The following SYNE1 variants were observed in gnomAD, a reference collection of about 807,000 sequenced individuals.
SYNE1 encodes the protein spectrin repeat containing nuclear envelope protein 1.
A neutral mutation model predicts 1,111.0 loss-of-function variants in SYNE1; 616 were observed. That is an observed-to-expected ratio of 0.55 (90% CI 0.52 to 0.59). The LOEUF is 0.59. Ranked by LOEUF, SYNE1 falls within the 20% of genes least tolerant of loss-of-function variation. The pLI is 0.00. For synonymous variants in SYNE1, 3,855 were observed against 3,825.8 expected, an observed-to-expected ratio of 1.01 and a Z score of -0.28; for missense variants, 10,006 against 10,417.0, an observed-to-expected ratio of 0.96 and a Z score of 1.72.
chr6:152,295,000 G>T (rs910188414), intron 93 of SYNE1, among the ~76,000 whole-genome samples: 1 of 152,192 alleles, frequency 6.6e-6, no homozygotes, highest in African/African-American at 2.4e-5. Flanking sequence ...AAATACCTGA[G>T]TCTTATTGAG....
Position 152,284,608 on chromosome 6 carries a change from T to C in SYNE1, c.18013-436A>G, listed in dbSNP as rs532416319. Among the ~76,000 whole-genome samples the C allele has an allele frequency of 1.2e-3, 172 of 142,252 alleles. 1 individual carries two copies. The highest frequency in any genetic ancestry group is 0.011 in the Middle Eastern group (3 of 280). 93.3% of individuals were successfully genotyped at this position (142,252 alleles called of 152,430 possible). On this transcript the variant is annotated intron_variant, in intron 95 of 145. Coordinates refer to ENST00000367255, the MANE Select transcript of SYNE1 (RefSeq NM_182961.4). The stretch of plus-strand genomic sequence containing the variant: ...GACTGGTGTGTGCTACCACACCTGG[T>C]AATTTTTTTTTTTTTTTTTTTTTTT...
chr6:152,310,162 C>T, intron 89 of SYNE1, 145 bp from the exon 90 acceptor site: 1 of 1,219,780 alleles, frequency 8.2e-7, no homozygotes, highest in Non-Finnish European at 1.1e-6. Flanking sequence ...AGTTTAGGGG[C>T]TGGACACAGT....
At chr6:152,378,182 ACT>A (rs1304002506) in intron 56 of SYNE1, among the ~76,000 whole-genome samples, 1 of 152,226 alleles carries the variant, frequency 6.6e-6, no homozygotes, top group Non-Finnish European at 1.5e-5. Context: ...ATATGTAAAC[ACT>A]GTGGATAACA....
intron 3 of SYNE1, among the ~76,000 whole-genome samples, chr6:152,559,029 G>A (rs1441103473): frequency 1.4e-5 from 2 of 140,130 alleles, no homozygotes; most frequent in Admixed American, 1.4e-4. Context: ...TATTTTTAGA[G>A]AGAGGGTCGC....
chr6:152,274,292 AAC>A lies in SYNE1; in HGVS notation c.18573+3795_18573+3796del, dbSNP rs769604288. On this transcript the variant is annotated intron_variant, in intron 98 of 145. Transcript: ENST00000367255. ...ATTTTTTATTTGCATCTATTTACCCAACACAGAGTTCAAACGTCTTTTCATAT... is the reference window on the plus strand; with the variant it reads ...ATTTTTTATTTGCATCTATTTACCCAACAGAGTTCAAACGTCTTTTCATAT... Among the ~76,000 whole-genome samples the A allele has an allele frequency of 1.4e-4, 21 of 152,304 alleles. No homozygotes were observed. The South Asian group carries it at 3.3e-3, about 24-fold the overall frequency.
At chr6:152,276,030 C>CTTTTT (rs749642435) in intron 98 of SYNE1, among the ~76,000 whole-genome samples, 3 of 84,022 alleles carry the variant, frequency 3.6e-5, no homozygotes, top group Non-Finnish European at 4.5e-5. Flanking sequence ...TTCTCGACTT[C>CTTTTT]TTTTTTTTTT....
chr6:152,498,714 C>A, intron 11 of SYNE1, 28 bp downstream of exon 11: 1 of 1,491,660 alleles, frequency 6.7e-7, no homozygotes, highest in African/African-American at 1.4e-5. Flanking sequence ...TGAAAGAGGT[C>A]ATCAATGCAA....
At chr6:152,520,628 A>G in intron 5 of SYNE1, 86 bp from the exon 6 acceptor site, 4 of 1,440,020 alleles carry the variant, frequency 2.8e-6, no homozygotes, top group Non-Finnish European at 2.9e-6. Flanking sequence ...TGGATTAAAA[A>G]TATACTTGAA....
At chr6:152,156,148 A>G in intron 131 of SYNE1, 51 bp from the exon 132 acceptor site, 2 of 1,605,266 alleles carry the variant, frequency 1.2e-6, no homozygotes, top group Non-Finnish European at 1.7e-6. Context: ...TATACAGATG[A>G]GAGAAACTGA....
chr6:152,207,893 T>G, intron 125 of SYNE1, 79 bp downstream of exon 125: 1 of 1,442,774 alleles, frequency 6.9e-7, no homozygotes, highest in Admixed American at 1.7e-5. Context: ...TCTAGAGTCC[T>G]TTTGAAAAAC....
rs2097808908 is a variant in SYNE1, at chr6:152,401,144, T to A, written c.7023A>T (p.Lys2341Asn). 5 of 1,614,006 alleles carry A rather than the reference T, an allele frequency of 3.1e-6. No homozygotes were observed. The African/African-American group carries it at 4.0e-5, about 13-fold the overall frequency. ...ATGATAGTTTATTACCTACCTTGACTTTTTTCAATGCTTCACAAGTCTCAT... is the reference window on the plus strand; with the variant it reads ...ATGATAGTTTATTACCTACCTTGACATTTTTCAATGCTTCACAAGTCTCAT... Reference protein sequence around the residue: ...AQNETCEALKKVKDIQKELQS... With the variant: ...AQNETCEALKNVKDIQKELQS... The change falls in exon 47 of 146, where the codon AAA becomes AAT. Residue 2341 changes from lysine to asparagine, a missense_variant. Lys to Asn is a moderately conservative substitution (Grantham distance 94). Transcript: ENST00000367255.
intron 99 of SYNE1, 38 bp downstream of exon 99, chr6:152,269,117 C>A: frequency 6.2e-7 from 1 of 1,613,982 alleles, no homozygotes; most frequent in South Asian, 1.1e-5. Flanking sequence ...CTTCTCTGGG[C>A]AGATCTGCAA....
At chr6:152,167,881 T>C (rs1199560461) in intron 130 of SYNE1, 5 of 725,146 alleles carry the variant, frequency 6.9e-6, no homozygotes, top group South Asian at 6.8e-5. Context: ...TACAGAGTCA[T>C]AATAAAGTCC....
intron 3 of SYNE1, among the ~76,000 whole-genome samples, chr6:152,617,602 T>C (rs999835694): frequency 2.6e-5 from 4 of 152,224 alleles, no homozygotes; most frequent in African/African-American, 9.6e-5. Flanking sequence ...GAGTACCTAC[T>C]TGTGCTTAGT....
chr6:152,501,554 T>A (rs961970732), intron 10 of SYNE1, among the ~76,000 whole-genome samples: 16 of 152,060 alleles, frequency 1.1e-4, no homozygotes, highest in Non-Finnish European at 1.6e-4. Context: ...GGCCAACATG[T>A]GAAACCCAAT....
At chr6:152,238,843 C>G (rs1232748162) in intron 108 of SYNE1, among the ~76,000 whole-genome samples, 3 of 152,076 alleles carry the variant, frequency 2.0e-5, no homozygotes, top group African/African-American at 7.2e-5. Flanking sequence ...GAGCACTACT[C>G]TGTTCCAAGA....
intron 25 of SYNE1, chr6:152,453,358 TG>T: frequency 1.5e-6 from 1 of 648,040 alleles, no homozygotes; most frequent in Non-Finnish European, 2.6e-6. Context: ...CCAAAAAGAA[TG>T]CTCGAGTAAT....
At position 152,155,092 on chromosome 6, in the gene SYNE1, G is replaced by A. The variant is rs376178480; in HGVS notation, c.23979-50C>T. The A allele has an allele frequency of 3.7e-6, 6 of 1,610,610 alleles. No homozygotes were observed. The African/African-American group carries it at 5.3e-5, about 14-fold the overall frequency. ...ATTCAGATTATTGGAGACTGTTTTCGCTCCAGAACCCGGTCTGCTGCCTGC... is the reference window on the plus strand; with the variant it reads ...ATTCAGATTATTGGAGACTGTTTTCACTCCAGAACCCGGTCTGCTGCCTGC... On this transcript the variant is annotated intron_variant, in intron 132 of 145. Transcript: ENST00000367255.
rs1563795474 is a variant in SYNE1, at chr6:152,409,542, C to A, written c.6381+17G>T. On this transcript the variant is annotated intron_variant, in intron 43 of 145. Coordinates refer to ENST00000367255, the MANE Select transcript of SYNE1 (RefSeq NM_182961.4). ...TACTAAAGCAGAATACCAACATAAACACATTTTGAATTTTACCTTGGAAAA... is the reference window on the plus strand; with the variant it reads ...TACTAAAGCAGAATACCAACATAAAAACATTTTGAATTTTACCTTGGAAAA... 2 of 1,612,716 alleles carry A rather than the reference C, an allele frequency of 1.2e-6. No homozygotes were observed. Among genetic ancestry groups the A allele is most frequent in the Non-Finnish European group, 1.7e-6 (2 of 1,179,856 alleles).
Sources: gnomAD v4.1 joint callset for allele counts (sites outside exome capture counted in the v4.1 genomes callset) on GRCh38, gnomAD v4.1.1 for gene constraint, MANE v1.5 for transcripts, NCBI Gene and HGNC (gene_info 2026-07-23, HGNC 2026-07-21) for gene names.